The following FAM135B variants were observed in gnomAD, a reference collection of about 807,000 sequenced individuals.
FAM135B encodes the protein protein FAM135B.
FAM135B carries 43 observed loss-of-function variants against 127.7 expected under a neutral mutation model. That is an observed-to-expected ratio of 0.34 (90% CI 0.26 to 0.43). FAM135B has a LOEUF of 0.43. Ranked by LOEUF, FAM135B falls within the 20% of genes least tolerant of loss-of-function variation. The pLI, the probability that FAM135B is intolerant of heterozygous loss-of-function variation, is 1.00. For missense variants in FAM135B, 1,558 were observed against 1,725.6 expected (o/e 0.90, Z 1.72); for synonymous variants, 670 against 665.1 (o/e 1.01, Z -0.11).
chr8:138,486,610 C>A lies in FAM135B; in HGVS notation c.-20+10061G>T, dbSNP rs568437427. ...GAGTCTACAGTGACAACAGCCTGGG[C>A]CCTGGCCTCAAGGAGGAAGACTGTG... On this transcript the variant is annotated intron_variant, in intron 1 of 19. Coordinates refer to ENST00000395297, the MANE Select transcript of FAM135B (RefSeq NM_015912.4). Among the ~76,000 whole-genome samples the A allele has an allele frequency of 2.6e-4, 39 of 152,256 alleles. No individual in the cohort carries two copies. In the South Asian group the frequency reaches 5.2e-3, roughly 20 times the overall value.
At chr8:138,269,380 A>C (rs575482028) in intron 3 of FAM135B, among the ~76,000 whole-genome samples, 37 of 152,312 alleles carry the variant, frequency 2.4e-4, no homozygotes, top group African/African-American at 8.9e-4. Flanking sequence ...CTAAACCTCA[A>C]TCTCATTCCA....
intron 7 of FAM135B, among the ~76,000 whole-genome samples, chr8:138,229,442 G>A (rs150423803): frequency 2.3e-4 from 35 of 152,184 alleles, no homozygotes; most frequent in African/African-American, 7.5e-4. Context: ...CATCTAGGGC[G>A]CCTTTCCCCA....
At chr8:138,262,866 C>T (rs1312736751) in intron 4 of FAM135B, among the ~76,000 whole-genome samples, 1 of 144,382 alleles carries the variant, frequency 6.9e-6, no homozygotes, top group Non-Finnish European at 1.5e-5. Context: ...CATGCCACTG[C>T]ACTCCAGCCT....
chr8:138,469,950 T>C (rs1020581031), intron 1 of FAM135B, among the ~76,000 whole-genome samples: 3 of 152,210 alleles, frequency 2.0e-5, no homozygotes, highest in African/African-American at 7.2e-5. Context: ...CGTTATTAAC[T>C]CAACACCTTG....
chr8:138,492,803 C>T (rs1156457810), intron 1 of FAM135B, among the ~76,000 whole-genome samples: 1 of 152,154 alleles, frequency 6.6e-6, no homozygotes, highest in Non-Finnish European at 1.5e-5. Context: ...TGACAGCCAC[C>T]ACCTAGGAAA....
intron 12 of FAM135B, among the ~76,000 whole-genome samples, chr8:138,154,256 A>C (rs62532124): frequency 0.19 from 23,962 of 127,188 alleles, 2,294 homozygotes; most frequent in African/African-American, 0.3. Context: ...TAACAAACAG[A>C]AAGGACATCC....
At chr8:138,344,577 C>CTTTTT (rs869039075) in intron 2 of FAM135B, among the ~76,000 whole-genome samples, 20,982 of 83,164 alleles carry the variant, frequency 0.25, 2,008 homozygotes, top group East Asian at 0.33. Flanking sequence ...TTCTTTCTTT[C>CTTTTT]TTTTTTTTTT....
intron 2 of FAM135B, among the ~76,000 whole-genome samples, chr8:138,347,543 A>G (rs1285038126): frequency 6.6e-6 from 1 of 152,196 alleles, no homozygotes; most frequent in Non-Finnish European, 1.5e-5. Flanking sequence ...AATGGTGCCC[A>G]GTCAGGATTG....
chr8:138,389,731 A>G (rs1832434782), intron 1 of FAM135B, among the ~76,000 whole-genome samples: 1 of 152,214 alleles, frequency 6.6e-6, no homozygotes, highest in African/African-American at 2.4e-5. Context: ...TTGAGACTGC[A>G]TAGTGGTGAT....
intron 12 of FAM135B, among the ~76,000 whole-genome samples, chr8:138,165,011 G>A (rs1819768835): frequency 6.6e-6 from 1 of 152,162 alleles, no homozygotes; most frequent in African/African-American, 2.4e-5. Context: ...CGTGAGAGGT[G>A]GTGAGAAAGG....
chr8:138,388,445 T>C (rs567270014), intron 1 of FAM135B, among the ~76,000 whole-genome samples: 3 of 152,318 alleles, frequency 2.0e-5, no homozygotes, highest in African/African-American at 7.2e-5. Context: ...TGCAAATAGA[T>C]GTTTACAGCA....
At chr8:138,287,128 G>A in intron 3 of FAM135B, among the ~76,000 whole-genome samples, 1 of 152,276 alleles carries the variant, frequency 6.6e-6, no homozygotes, top group East Asian at 1.9e-4. Context: ...CAGACTACGG[G>A]AAGACATTTT....
chr8:138,330,842 T>C (rs1244145625), intron 2 of FAM135B, among the ~76,000 whole-genome samples: 5 of 151,346 alleles, frequency 3.3e-5, no homozygotes, highest in Admixed American at 6.6e-5. Context: ...CATATAAATG[T>C]ACATTTTTTT....
intron 3 of FAM135B, 74 bp from the exon 4 acceptor site, chr8:138,265,916 T>C (rs908821080): frequency 6.6e-6 from 10 of 1,507,102 alleles, no homozygotes; most frequent in Non-Finnish European, 8.9e-6. Flanking sequence ...CAGGTGTCTT[T>C]CCTGCTCAAG....
intron 1 of FAM135B, among the ~76,000 whole-genome samples, chr8:138,478,371 T>A (rs1040672778): frequency 6.6e-6 from 1 of 152,188 alleles, no homozygotes; most frequent in African/African-American, 2.4e-5. Flanking sequence ...AGTATCCAAC[T>A]GGCCTATCAA....
intron 11 of FAM135B, among the ~76,000 whole-genome samples, chr8:138,173,709 C>T (rs1814135194): frequency 6.6e-6 from 1 of 152,170 alleles, no homozygotes. Flanking sequence ...AGAATGAATT[C>T]CTTTTGAAAA....
At chr8:138,247,121 G>A (rs1159670807) in intron 6 of FAM135B, among the ~76,000 whole-genome samples, 2 of 152,184 alleles carry the variant, frequency 1.3e-5, no homozygotes, top group East Asian at 3.8e-4. Flanking sequence ...TAGGCAGAAG[G>A]GACTTGCCTT....
In FAM135B at chr8:138,152,131, C is replaced by T. The variant is rs780403136; in HGVS notation, c.2344G>A (p.Ala782Thr). The change falls in exon 13 of 20, where the codon GCT becomes ACT. Residue 782 changes from alanine to threonine, a missense_variant. Around this residue, in one of 5 missense-constraint regions of FAM135B, gnomAD observed 923 missense variants for 865.3 expected, o/e 1.07. Coordinates refer to ENST00000395297, the MANE Select transcript of FAM135B (RefSeq NM_015912.4). ...SAPHISSPEEAAEDADTKQQD... is the reference protein window; with the variant it reads ...SAPHISSPEETAEDADTKQQD... ...TGCTTGGTGTCCGCATCTTCAGCAG[C>T]CTCCTCTGGGCTACTGATGTGGGGA... 1.4e-5 allele frequency: 22 copies of T among 1,613,820 alleles called. No individual in the cohort carries two copies. The highest frequency in any genetic ancestry group is 8.0e-5 in the African/African-American group (6 of 74,900).
intron 2 of FAM135B, among the ~76,000 whole-genome samples, chr8:138,349,295 T>G (rs1463631392): frequency 6.6e-6 from 1 of 152,170 alleles, no homozygotes; most frequent in African/African-American, 2.4e-5. Context: ...TCCATGCCTT[T>G]GGAGAAAGAA....
Sources: allele counts gnomAD v4.1 joint callset (sites outside exome capture counted in the v4.1 genomes callset), GRCh38; gene constraint gnomAD v4.1.1; regional missense constraint gnomAD v4.1.1; transcripts MANE v1.5; gene names NCBI Gene and HGNC (gene_info 2026-07-23, HGNC 2026-07-21).